The following ARID1B variants were observed in gnomAD, a reference collection of about 807,000 sequenced individuals.
ARID1B encodes the protein AT-rich interaction domain 1B, also known as AT-rich interactive domain-containing protein 1B.
Under a neutral mutation model 212.3 loss-of-function variants are expected in ARID1B, and 30 were observed. The ratio of observed to expected loss-of-function variants is 0.14; its 90% CI spans 0.11 to 0.19. The LOEUF (loss-of-function observed/expected upper bound fraction) is 0.19. Among genes scored for constraint, ARID1B ranks in the 10% least tolerant of loss-of-function variants. The pLI, the probability that ARID1B is intolerant of heterozygous loss-of-function variation, is 1.00. For synonymous variants in ARID1B, 1,402 were observed against 1,301.7 expected (o/e 1.08, Z -1.66); for missense variants, 2,891 against 3,204.0 (o/e 0.90, Z 2.36).
In ARID1B at chr6:156,864,610, C is replaced by T. The variant is rs114570809; in HGVS notation, c.1986+35189C>T. ...TAGCCCATGCCCACGTCCCCAGAGG[C>T]GTCCACTTTCAACCCTTGTAGCTGC... On this transcript the variant is annotated intron_variant, in intron 2 of 19. Transcript: ENST00000636930. Among the ~76,000 whole-genome samples the T allele has an allele frequency of 3.3e-3, 498 of 152,332 alleles. 3 individuals are homozygous for T. The highest frequency in any genetic ancestry group is 0.011 in the African/African-American group (469 of 41,570).
chr6:157,113,367 G>C (rs1020789557), intron 6 of ARID1B, among the ~76,000 whole-genome samples: 3 of 152,200 alleles, frequency 2.0e-5, no homozygotes, highest in Non-Finnish European at 4.4e-5. Context: ...CTGCTATAAA[G>C]AACTACTGGA....
intron 1 of ARID1B, among the ~76,000 whole-genome samples, chr6:156,781,164 C>A (rs922682964): frequency 6.6e-6 from 1 of 151,978 alleles, no homozygotes; most frequent in Admixed American, 6.6e-5. Flanking sequence ...AATGAGGAAA[C>A]CACATATTTG....
intron 4 of ARID1B, among the ~76,000 whole-genome samples, chr6:156,990,021 A>T (rs1378305872): frequency 6.6e-6 from 1 of 152,200 alleles, no homozygotes; most frequent in African/African-American, 2.4e-5. Flanking sequence ...GAAAGTATTT[A>T]ATTCAGTGAA....
chr6:157,188,069 G>C lies in ARID1B; in HGVS notation c.3920-1573G>C, dbSNP rs1462284092. ...GGTTTTACGCAAATTTGGTTTGTAA[G>C]TATGAGTGAATACATTTTTCTTTTA... On this transcript the variant is annotated intron_variant, in intron 13 of 19. Transcript: ENST00000636930. Among the ~76,000 whole-genome samples the C allele has an allele frequency of 3.3e-5, 5 of 152,016 alleles. No individual in the cohort carries two copies. The East Asian group carries it at 9.6e-4, about 29-fold the overall frequency.
At chr6:156,906,183 C>T (rs1789358216) in intron 3 of ARID1B, among the ~76,000 whole-genome samples, 3 of 151,952 alleles carry the variant, frequency 2.0e-5, no homozygotes, top group Admixed American at 1.3e-4. Flanking sequence ...TCTCAAGAAG[C>T]TGGGGGTACT....
intron 3 of ARID1B, among the ~76,000 whole-genome samples, chr6:156,932,131 T>A (rs796589950): frequency 0.032 from 1,467 of 45,448 alleles, 38 homozygotes; most frequent in African/African-American, 0.094. Context: ...CCTTGTTTCT[T>A]AAAAAAAAAA....
At chr6:157,021,280 C>G (rs192714823) in intron 4 of ARID1B, among the ~76,000 whole-genome samples, 3,059 of 152,320 alleles carry the variant, frequency 0.02, 109 homozygotes, top group African/African-American at 0.07. Flanking sequence ...GACTCGCCCG[C>G]GCCCACGGAA....
intron 4 of ARID1B, chr6:156,941,392 G>C (rs1300173518): frequency 6.6e-6 from 1 of 152,148 alleles, no homozygotes; most frequent in Non-Finnish European, 1.5e-5. Context: ...GTTTTAAAGG[G>C]AACATGCAAT....
intron 4 of ARID1B, among the ~76,000 whole-genome samples, chr6:157,077,095 C>T (rs1784358966): frequency 6.6e-6 from 1 of 152,138 alleles, no homozygotes; most frequent in African/African-American, 2.4e-5. Context: ...CTATGTCGAT[C>T]CTTAAAATTA....
At chr6:157,112,186 A>G (rs1157813102) in intron 6 of ARID1B, among the ~76,000 whole-genome samples, 1 of 152,224 alleles carries the variant, frequency 6.6e-6, no homozygotes, top group Non-Finnish European at 1.5e-5. Flanking sequence ...TTGTGTGAAT[A>G]TGTGGATTTG....
At chr6:156,962,288 G>A (rs1794437096) in intron 4 of ARID1B, among the ~76,000 whole-genome samples, 1 of 152,162 alleles carries the variant, frequency 6.6e-6, no homozygotes, top group Non-Finnish European at 1.5e-5. Context: ...GACAGGGCGA[G>A]GCTCTGTCTC....
chr6:157,060,783 A>T (rs573173690), intron 4 of ARID1B, among the ~76,000 whole-genome samples: 1 of 151,968 alleles, frequency 6.6e-6, no homozygotes, highest in African/African-American at 2.4e-5. Flanking sequence ...TTCAGTCCTT[A>T]ACCCCCTGCT....
At chr6:157,108,170 C>T (rs1786627651) in intron 5 of ARID1B, among the ~76,000 whole-genome samples, 1 of 152,184 alleles carries the variant, frequency 6.6e-6, no homozygotes, top group Non-Finnish European at 1.5e-5. Context: ...GCTCTTGTAT[C>T]TTTAACAGAA....
intron 1 of ARID1B, among the ~76,000 whole-genome samples, chr6:156,823,698 T>TTG (rs1474767913): frequency 6.6e-6 from 1 of 151,028 alleles, no homozygotes; most frequent in Non-Finnish European, 1.5e-5. Context: ...GTTTTTTTTT[T>TTG]TTTTTTTGTG....
At chr6:156,850,968 A>C (rs915228362) in intron 2 of ARID1B, among the ~76,000 whole-genome samples, 5 of 152,200 alleles carry the variant, frequency 3.3e-5, no homozygotes, top group African/African-American at 1.2e-4. Context: ...GAAGGGAACG[A>C]GGTGCTTCAT....
rs374709989 is a variant in ARID1B, at chr6:157,021,311, G to C, written c.2248-63351G>C. On this transcript the variant is annotated intron_variant, in intron 4 of 19. Coordinates refer to ENST00000636930, the MANE Select transcript of ARID1B (RefSeq NM_001374828.1). ...CGGAAGAAGCCGAGCTCCTCCGAAG[G>C]GAGAACCAGTGATTCCACGGACCCC... Among the ~76,000 whole-genome samples, 27 of 152,358 alleles carry C rather than the reference G, an allele frequency of 1.8e-4. No individual in the cohort carries two copies. The East Asian group carries it at 1.9e-3, about 11-fold the overall frequency.
rs181612251 is a variant in ARID1B at position 157,000,602 on chromosome 6, C to A, written c.2247+65026C>A. On this transcript the variant is annotated intron_variant, in intron 4 of 19. Coordinates refer to ENST00000636930, the MANE Select transcript of ARID1B (RefSeq NM_001374828.1). ...ATATGGATGTGGAACAATGTTCTTA[C>A]ATTTTCCCACCAGCATTTTGGGGGT... is the stretch of plus-strand genomic sequence containing the variant. 2.0e-5 allele frequency among the ~76,000 whole-genome samples: 3 copies of A among 151,680 alleles called. No homozygotes were observed. In the South Asian group the frequency reaches 6.2e-4, roughly 32 times the overall value.
chr6:156,844,972 A>G (rs1211318411), intron 2 of ARID1B, among the ~76,000 whole-genome samples: 6 of 152,200 alleles, frequency 3.9e-5, no homozygotes, highest in African/African-American at 1.2e-4. Context: ...CCCATTAGTT[A>G]CTTAGACTCT....
At chr6:157,022,141 A>AGGCGGGGCGGGGC (rs1554284322) in intron 4 of ARID1B, 6 of 98,456 alleles carry the variant, frequency 6.1e-5, no homozygotes, top group South Asian at 6.6e-4. Flanking sequence ...CAGGGCGGGG[A>AGGCGGGGCGGGGC]GGCGGGGCGG....
Sources: allele counts gnomAD v4.1 joint callset (sites outside exome capture counted in the v4.1 genomes callset), GRCh38; gene constraint gnomAD v4.1.1; transcripts MANE v1.5; gene names NCBI Gene and HGNC (gene_info 2026-07-23, HGNC 2026-07-21).